SRRM4: variants seen among roughly 807,000 people sequenced by gnomAD.
SRRM4 encodes serine/arginine repetitive matrix 4.
Under a neutral mutation model 68.9 loss-of-function variants are expected in SRRM4, and 33 were observed. The observed-to-expected ratio is 0.48, with a 90% CI of 0.36 to 0.64. The LOEUF is 0.64. Ranked by LOEUF, SRRM4 falls within the 30% of genes least tolerant of loss-of-function variation. SRRM4 has a pLI of 0.00. For missense variants in SRRM4, 817 were observed against 827.1 expected (o/e 0.99, Z 0.15); for synonymous variants, 318 against 318.8 (o/e 1.00, Z 0.03).
At chr12:119,076,168 C>T (rs1481130902) in intron 1 of SRRM4, among the ~76,000 whole-genome samples, 1 of 151,918 alleles carries the variant, frequency 6.6e-6, no homozygotes, top group Admixed American at 6.6e-5. Flanking sequence ...ATGATGATGA[C>T]AATGATGATG....
At chr12:119,005,456 C>T (rs149781310) in intron 1 of SRRM4, among the ~76,000 whole-genome samples, 4 of 152,260 alleles carry the variant, frequency 2.6e-5, no homozygotes, top group African/African-American at 9.6e-5. Context: ...TCGGAAGAGA[C>T]CTGGACATTG....
At chr12:119,070,598 A>G (rs577156495) in intron 1 of SRRM4, among the ~76,000 whole-genome samples, 1 of 152,286 alleles carries the variant, frequency 6.6e-6, no homozygotes, top group South Asian at 2.1e-4. Context: ...GTCTATAAAT[A>G]GGAAAACTAA....
intron 1 of SRRM4, among the ~76,000 whole-genome samples, chr12:119,076,865 G>A (rs1451615806): frequency 6.6e-6 from 1 of 152,188 alleles, no homozygotes; most frequent in African/African-American, 2.4e-5. Flanking sequence ...ACTTGTAGGA[G>A]GTGGGGGTTA....
At chr12:119,113,196 C>T (rs1262921159) in intron 2 of SRRM4, among the ~76,000 whole-genome samples, 2 of 152,134 alleles carry the variant, frequency 1.3e-5, no homozygotes, top group African/African-American at 4.8e-5. Flanking sequence ...ATCATTCTTT[C>T]TACTAACCAC....
chr12:118,999,985 G>C (rs1246841698), intron 1 of SRRM4, among the ~76,000 whole-genome samples: 6 of 151,890 alleles, frequency 4.0e-5, no homozygotes, highest in African/African-American at 1.5e-4. Flanking sequence ...AATGCCAGGA[G>C]CTGGGGAGGT....
At chr12:119,018,238 A>G (rs1953493541) in intron 1 of SRRM4, among the ~76,000 whole-genome samples, 1 of 152,214 alleles carries the variant, frequency 6.6e-6, no homozygotes, top group African/African-American at 2.4e-5. Flanking sequence ...GTCTATGAGG[A>G]TAGATTCTGA....
At chr12:119,102,195 T>A in intron 1 of SRRM4, 41 bp from the exon 2 acceptor site, 1 of 1,570,478 alleles carries the variant, frequency 6.4e-7, no homozygotes, top group Non-Finnish European at 8.7e-7. Flanking sequence ...AGTGTCTCTG[T>A]ATATTCTAAC....
At chr12:119,082,601 C>T (rs900804366) in intron 1 of SRRM4, among the ~76,000 whole-genome samples, 2 of 152,194 alleles carry the variant, frequency 1.3e-5, no homozygotes, top group African/African-American at 2.4e-5. Context: ...GCCCCGCGGG[C>T]GCTGTGATGA....
chr12:118,982,679 G>GTTTTTTTTTTTT (rs370087102), intron 1 of SRRM4, among the ~76,000 whole-genome samples: 78 of 102,044 alleles, frequency 7.6e-4, no homozygotes, highest in South Asian at 2.2e-3. Context: ...GTTTTTTTTT[G>GTTTTTTTTTTTT]TTTTTTTTTT....
At chr12:119,127,128 G>T (rs1220431926) in intron 7 of SRRM4, among the ~76,000 whole-genome samples, 4 of 150,008 alleles carry the variant, frequency 2.7e-5, no homozygotes, top group Admixed American at 1.3e-4. Context: ...GTTAGTGGGT[G>T]CAGCACACCA....
At chr12:119,060,271 G>A (rs1007118194) in intron 1 of SRRM4, among the ~76,000 whole-genome samples, 19 of 151,370 alleles carry the variant, frequency 1.3e-4, no homozygotes, top group African/African-American at 4.4e-4. Context: ...TACTCACTTC[G>A]GTGGACAGAT....
intron 1 of SRRM4, among the ~76,000 whole-genome samples, chr12:118,986,487 T>A (rs1043558920): frequency 6.6e-6 from 1 of 152,192 alleles, no homozygotes; most frequent in Non-Finnish European, 1.5e-5. Context: ...GAATGTTGGA[T>A]GCATTAATTA....
At chr12:119,143,567 G>A (rs1954380417) in intron 8 of SRRM4, among the ~76,000 whole-genome samples, 1 of 152,120 alleles carries the variant, frequency 6.6e-6, no homozygotes, top group South Asian at 2.1e-4. Flanking sequence ...GGAGAATCTG[G>A]CCCTGGAACC....
At chr12:119,067,822 G>T (rs117688409) in intron 1 of SRRM4, among the ~76,000 whole-genome samples, 2 of 152,344 alleles carry the variant, frequency 1.3e-5, no homozygotes, top group South Asian at 4.2e-4. Context: ...GATTTAATCT[G>T]TCTGAACCTC....
chr12:119,020,335 G>T (rs1022203454), intron 1 of SRRM4, among the ~76,000 whole-genome samples: 29 of 152,234 alleles, frequency 1.9e-4, no homozygotes, highest in Non-Finnish European at 3.8e-4. Flanking sequence ...CCTCTCACCT[G>T]CCTCCTCATT....
At chr12:119,036,375 C>T (rs1408385818) in intron 1 of SRRM4, among the ~76,000 whole-genome samples, 2 of 152,192 alleles carry the variant, frequency 1.3e-5, no homozygotes. Context: ...CTTCCATTTG[C>T]TTCCAGGCCC....
chr12:119,003,181 G>C (rs1487744209), intron 1 of SRRM4, among the ~76,000 whole-genome samples: 2 of 151,802 alleles, frequency 1.3e-5, no homozygotes, highest in Admixed American at 6.6e-5. Flanking sequence ...TGGAAAGAAG[G>C]CTAGGCTTGG....
intron 1 of SRRM4, among the ~76,000 whole-genome samples, chr12:119,057,162 G>T (rs1953781879): frequency 6.6e-6 from 1 of 152,148 alleles, no homozygotes; most frequent in Non-Finnish European, 1.5e-5. Flanking sequence ...ATTAGGTGAA[G>T]AAAGAAATAG....
Position 118,981,976 on chromosome 12 carries a change from A to G in SRRM4, c.94A>G (p.Ile32Val), listed in dbSNP as rs545886900. The change falls in exon 1 of 13, where the codon ATT becomes GTT. Residue 32 changes from isoleucine to valine, a missense_variant. Physicochemically the swap from Ile to Val is conservative, Grantham distance 29 (BLOSUM62 3). Transcript: ENST00000267260. ...AVATPRPESI[I>V]VASITARKPL... ...GGCCACCCCCCGTCCCGAGAGCATC[A>G]TTGTCGCCAGTATCACGGCCCGCAA... The G allele has an allele frequency of 1.2e-6, 2 of 1,611,566 alleles. No homozygotes were observed. Among genetic ancestry groups the G allele is most frequent in the Admixed American group, 1.7e-5 (1 of 59,786 alleles).
Sources: allele counts gnomAD v4.1 joint callset (sites outside exome capture counted in the v4.1 genomes callset), GRCh38; gene constraint gnomAD v4.1.1; transcripts MANE v1.5; gene names NCBI Gene and HGNC (gene_info 2026-07-23, HGNC 2026-07-21).